The following TESMIN variants were observed in gnomAD, a reference collection of about 807,000 sequenced individuals.
The protein encoded by TESMIN is CXC domain containing 2.
In TESMIN, 34 loss-of-function variants were observed where a neutral mutation model predicts 47.4. The ratio of observed to expected loss-of-function variants is 0.72; its 90% confidence interval spans 0.55 to 0.96. The LOEUF (loss-of-function observed/expected upper bound fraction) is 0.96, where lower values mean the gene tolerates loss of function less well. TESMIN is among the 40% of genes least tolerant of loss of function. The probability of loss-of-function intolerance (pLI) is 0.00; values close to 1 mark genes in which losing one functional copy is unlikely to be tolerated. For missense variants in TESMIN, 610 were observed against 637.2 expected, an observed-to-expected ratio of 0.96 and a Z score of 0.46; for synonymous variants, 278 against 258.9, an observed-to-expected ratio of 1.07 and a Z score of -0.71.
intron 4 of TESMIN, among the ~76,000 whole-genome samples, chr11:68,742,696 G>C (rs942497168): frequency 5.3e-5 from 8 of 152,018 alleles, no homozygotes; most frequent in African/African-American, 1.9e-4. Context: ...TGTGTGCCAA[G>C]GTGCCCTGCA....
chr11:68,746,749 T>A (rs1433821146), intron 3 of TESMIN, among the ~76,000 whole-genome samples: 3 of 152,154 alleles, frequency 2.0e-5, no homozygotes, highest in Non-Finnish European at 2.9e-5. Flanking sequence ...TTAGGAGGAT[T>A]AAATAAAGGT....
intron 5 of TESMIN, among the ~76,000 whole-genome samples, chr11:68,740,829 C>G (rs956513072): frequency 6.6e-6 from 1 of 152,152 alleles, no homozygotes; most frequent in Admixed American, 6.5e-5. Context: ...CCTGCCCAGC[C>G]CTTCCTCACT....
At chr11:68,748,189 G>A (rs1946546034) in intron 2 of TESMIN, among the ~76,000 whole-genome samples, 2 of 152,190 alleles carry the variant, frequency 1.3e-5, no homozygotes, top group South Asian at 4.1e-4. Flanking sequence ...AAATCACAGA[G>A]CAGGTATCTT....
At chr11:68,736,359 A>G in intron 6 of TESMIN, 2 of 985,486 alleles carry the variant, frequency 2.0e-6, no homozygotes, top group South Asian at 9.4e-5. Context: ...GTCAGCTCGC[A>G]CACTCAGCCT....
At chr11:68,719,684 G>A (rs140455310) in intron 6 of TESMIN, among the ~76,000 whole-genome samples, 26 of 152,316 alleles carry the variant, frequency 1.7e-4, no homozygotes, top group Admixed American at 1.7e-3. Context: ...CAATTATGTG[G>A]CTCTCTAAAT....
chr11:68,750,495 G>T lies in TESMIN; in HGVS notation c.166C>A (p.Pro56Thr). 6.2e-7 allele frequency: 1 copy of T among 1,603,016 alleles called. No homozygotes were observed. Among genetic ancestry groups the T allele is most frequent in the South Asian group, 1.1e-5 (1 of 89,004 alleles). ...FHVFKEAYLG[P>T]ADPKEPVLHA... The stretch of plus-strand genomic sequence containing the variant: ...AGGACGGGTTCCTTGGGGTCCGCCG[G>T]GCCCAGGTACGCTTCTTTGAAGACG... The change falls in exon 2 of 10, where the codon CCG becomes ACG. Residue 56 changes from proline (P) to threonine (T), a missense_variant. Physicochemically the swap from Pro to Thr is conservative, Grantham distance 38 (BLOSUM62 -1). Transcript: ENST00000255087.
intron 1 of TESMIN, among the ~76,000 whole-genome samples, chr11:68,751,045 A>G (rs1341115158): frequency 4.0e-4 from 8 of 19,902 alleles, no homozygotes; most frequent in Admixed American, 6.3e-4. Context: ...GGGAGGGGCG[A>G]CCAGGGGAGG....
intron 6 of TESMIN, among the ~76,000 whole-genome samples, chr11:68,728,941 C>G (rs751016989): frequency 3.6e-4 from 55 of 152,154 alleles, no homozygotes; most frequent in Non-Finnish European, 6.3e-4. Flanking sequence ...GTACCTGGCC[C>G]CCCAAGAGCT....
chr11:68,711,079 A>C, intron 8 of TESMIN, 30 bp from the exon 9 acceptor site: 3 of 1,550,556 alleles, frequency 1.9e-6, no homozygotes, highest in Non-Finnish European at 2.6e-6. Flanking sequence ...CAATAAAATT[A>C]GGTTGTCTCA....
At position 68,715,904 on chromosome 11, in the gene TESMIN, T is replaced by C. The variant is rs1223819621; in HGVS notation, c.953A>G (p.Asn318Ser). The part of the protein sequence containing the change: ...CDCFASGDFC[N>S]NCNCNNCCNN... Reference sequence around the variant, plus strand: ...GCAACAATTATTACAATTGCAGTTGTTGCAAAAGTCCCCACTGGCAAAGCA... The same window carrying C: ...GCAACAATTATTACAATTGCAGTTGCTGCAAAAGTCCCCACTGGCAAAGCA... Residue 318 changes from asparagine (N) to serine (S), a missense_variant, in exon 7 of 10, where the codon AAC (asparagine) becomes AGC (serine). Asn to Ser is a conservative substitution (Grantham distance 46). Coordinates refer to ENST00000255087, the MANE Select transcript of TESMIN (RefSeq NM_004923.3). 8 of 1,613,546 alleles carry C rather than the reference T, an allele frequency of 5.0e-6. No individual in the cohort carries two copies. The Admixed American group carries it at 1.3e-4, about 27-fold the overall frequency.
In TESMIN at chr11:68,713,290, T is replaced by C. The variant is rs1201357441; in HGVS notation, c.1138A>G (p.Asn380Asp). 2 of 1,614,184 alleles carry C rather than the reference T, an allele frequency of 1.2e-6. No homozygotes were observed. The highest frequency in any genetic ancestry group is 4.5e-5 in the East Asian group (2 of 44,888). Residue 380 changes from asparagine to aspartate, a missense_variant, in exon 8 of 10, where the codon AAT becomes GAT. Coordinates refer to ENST00000255087, the MANE Select transcript of TESMIN (RefSeq NM_004923.3). ...CTAACCTCATAGCACTCGCAGTAAT[T>C]CTTCAGGCAGCCTGACCTCCTGCAG... ...CNCRRSGCLK[N>D]YCECYEAQIM...
At chr11:68,710,740 C>T (rs1946053489) in intron 9 of TESMIN, 134 bp downstream of exon 9, 8 of 869,906 alleles carry the variant, frequency 9.2e-6, no homozygotes, top group South Asian at 1.9e-5. Context: ...GGAGGAACGA[C>T]TTCCCTCTGC....
intron 6 of TESMIN, chr11:68,738,455 C>T (rs766768155): frequency 2.7e-5 from 35 of 1,289,810 alleles, no homozygotes; most frequent in Admixed American, 7.0e-5. Context: ...CATAGGACAG[C>T]GGACAGGAGG....
rs1463302491 is a variant in TESMIN, at chr11:68,742,492, G to A, written c.752-98C>T. ...CAAAAGTCTGTTATGGACATGTCCT[G>A]TGCAAAGTTATTTCAACTTATCTTG... On this transcript the variant is annotated intron_variant, in intron 4 of 9. Coordinates refer to ENST00000255087, the MANE Select transcript of TESMIN (RefSeq NM_004923.3). 4.5e-6 allele frequency: 3 copies of A among 659,484 alleles called. No individual in the cohort carries two copies. The African/African-American group carries it at 5.5e-5, about 12-fold the overall frequency. The allele number at this position is 659,484 out of a possible 1,614,324, so 40.9% of individuals were successfully genotyped here.
chr11:68,725,893 G>C (rs1177117334), intron 6 of TESMIN, among the ~76,000 whole-genome samples: 2 of 152,096 alleles, frequency 1.3e-5, no homozygotes, highest in African/African-American at 4.8e-5. Context: ...TACTTGAGCT[G>C]GTAAAAAATT....
chr11:68,747,873 T>C (rs913572210), intron 2 of TESMIN, among the ~76,000 whole-genome samples: 13 of 151,998 alleles, frequency 8.6e-5, no homozygotes, highest in African/African-American at 2.9e-4. Context: ...ACCAAAGATA[T>C]GGAGAAATAC....
rs1946439832 is a variant in TESMIN at position 68,740,203 on chromosome 11, T to C, written c.829-1415A>G. 2.0e-5 allele frequency among the ~76,000 whole-genome samples: 3 copies of C among 152,186 alleles called. No homozygotes were observed. The South Asian group carries it at 6.2e-4, about 31-fold the overall frequency. ...TGAATCCCAGGTTTGGGGTGGAACCTGAGGTTCTGCACTTCTTAACAAGCT... is the reference window on the plus strand; with the variant it reads ...TGAATCCCAGGTTTGGGGTGGAACCCGAGGTTCTGCACTTCTTAACAAGCT... On this transcript the variant is annotated intron_variant, in intron 5 of 9. Coordinates refer to ENST00000255087, the MANE Select transcript of TESMIN (RefSeq NM_004923.3).
chr11:68,715,764 A>C, intron 7 of TESMIN, 73 bp downstream of exon 7: 1 of 1,085,082 alleles, frequency 9.2e-7, no homozygotes, highest in East Asian at 2.6e-5. Context: ...GGAATCTCTG[A>C]AGGTGATTTT....
rs541975111 is a variant in TESMIN, at chr11:68,746,928, C to A, written c.630+280G>T. Among the ~76,000 whole-genome samples, 9 of 152,262 alleles carry A rather than the reference C, an allele frequency of 5.9e-5. No individual in the cohort carries two copies. The South Asian group carries it at 1.9e-3, about 32-fold the overall frequency. The stretch of plus-strand genomic sequence containing the variant: ...ATGAGGCTCAGCTGCAGTCCCTGAC[C>A]CCAGCACTGCACTAACTGATGTGAT... On this transcript the variant is annotated intron_variant, in intron 3 of 9. Coordinates refer to ENST00000255087, the MANE Select transcript of TESMIN (RefSeq NM_004923.3).
Sources: allele counts gnomAD v4.1 joint callset (sites outside exome capture counted in the v4.1 genomes callset), GRCh38; gene constraint gnomAD v4.1.1; transcripts MANE v1.5; gene names NCBI Gene and HGNC (gene_info 2026-07-23, HGNC 2026-07-21).